Variants in DOCK5 observed in about 807,000 individuals in gnomAD.
The protein encoded by DOCK5 is dedicator of cytokinesis protein 5.
Under a neutral mutation model 251.8 loss-of-function variants are expected in DOCK5, and 142 were observed. The observed-to-expected ratio is 0.56, with a 90% CI of 0.49 to 0.65. DOCK5 has a LOEUF of 0.65. DOCK5 is among the 30% of genes least tolerant of loss of function. DOCK5 has a pLI of 0.00. For synonymous variants in DOCK5, 842 were observed against 835.5 expected, an observed-to-expected ratio of 1.01 and a Z score of -0.13; for missense variants, 2,111 against 2,312.3, an observed-to-expected ratio of 0.91 and a Z score of 1.79.
At chr8:25,239,319 ATGTGTG>A (rs746237389) in intron 1 of DOCK5, among the ~76,000 whole-genome samples, 1 of 131,062 alleles carries the variant, frequency 7.6e-6, no homozygotes, top group Non-Finnish European at 1.6e-5. Context: ...GTGCGTGTAT[ATGTGTG>A]TGTGTGTGTG....
At chr8:25,269,917 T>C (rs752058459) in intron 3 of DOCK5, among the ~76,000 whole-genome samples, 3 of 152,216 alleles carry the variant, frequency 2.0e-5, no homozygotes, top group Non-Finnish European at 4.4e-5. Context: ...CCTGCACAGA[T>C]AGGCTGATGT....
At chr8:25,370,616 C>T (rs552000002) in intron 34 of DOCK5, among the ~76,000 whole-genome samples, 9 of 152,068 alleles carry the variant, frequency 5.9e-5, no homozygotes, top group Admixed American at 6.5e-5. Context: ...GCAGTCCTCC[C>T]GCCTCAGACT....
At chr8:25,271,773 A>T (rs181347591) in intron 3 of DOCK5, among the ~76,000 whole-genome samples, 28 of 152,306 alleles carry the variant, frequency 1.8e-4, no homozygotes, top group African/African-American at 6.5e-4. Flanking sequence ...AGGAAGGAGA[A>T]GCAGAACTGA....
intron 18 of DOCK5, among the ~76,000 whole-genome samples, chr8:25,329,833 G>A (rs902087406): frequency 3.3e-5 from 5 of 152,062 alleles, no homozygotes; most frequent in East Asian, 3.9e-4. Context: ...ACTATACAGC[G>A]AGAAAAAAAA....
intron 27 of DOCK5, among the ~76,000 whole-genome samples, chr8:25,353,513 AT>A (rs1030638209): frequency 6.6e-6 from 1 of 152,224 alleles, no homozygotes; most frequent in Non-Finnish European, 1.5e-5. Context: ...AGAATTCCTC[AT>A]GTAAAATCAA....
At chr8:25,282,458 CATGTAAAGATAA>C (rs60581931) in intron 5 of DOCK5, among the ~76,000 whole-genome samples, 13,450 of 152,092 alleles carry the variant, frequency 0.088, 916 homozygotes, top group East Asian at 0.28. Context: ...TCCTTCAGTC[CATGTAAAGATAA>C]ATACAGATTT....
Position 25,384,465 on chromosome 8 carries a change from T to TA in DOCK5, c.4131+1687_4131+1688insA, listed in dbSNP as rs1554504712. ...TTTATTTATTTATTTATTTATTTAT[T>TA]TTTTTTTTTTTTGAGACAGTGTCTC... is the stretch of plus-strand genomic sequence containing the variant. On this transcript the variant is annotated intron_variant, in intron 40 of 51. Coordinates refer to ENST00000276440, the MANE Select transcript of DOCK5 (RefSeq NM_024940.8). 1.5e-4 allele frequency among the ~76,000 whole-genome samples: 14 copies of TA among 96,456 alleles called. 1 individual carries two copies. The South Asian group carries it at 2.3e-3, about 16-fold the overall frequency. The allele number at this position is 96,456 out of a possible 152,430, so 63.3% of individuals were successfully genotyped here.
intron 38 of DOCK5, among the ~76,000 whole-genome samples, chr8:25,378,701 T>C (rs1364644727): frequency 2.0e-5 from 3 of 152,228 alleles, no homozygotes; most frequent in Non-Finnish European, 4.4e-5. Flanking sequence ...CTTACATGGT[T>C]ATACATGCTC....
chr8:25,184,835 C>CG lies in DOCK5; in HGVS notation c.-70dup. On this transcript the variant is annotated 5_prime_UTR_variant, in exon 1 of 52. The change abolishes the stop of an existing upstream ORF in the 5' untranslated region. Transcript: ENST00000276440. ...GAAGCGTCTGGGGCACGCAGGAGCG[C>CG]GGGGCGGCGGCGGCCGGAGCCCGAG... is the stretch of plus-strand genomic sequence containing the variant. 3.2e-6 allele frequency: 4 copies of CG among 1,237,366 alleles called. No individual in the cohort carries two copies. The highest frequency in any genetic ancestry group is 4.1e-6 in the Non-Finnish European group (4 of 973,608). The allele number at this position is 1,237,366 out of a possible 1,614,324, so 76.6% of individuals were successfully genotyped here. A position where few individuals can be genotyped will look rare whatever the true frequency, so the allele number is the denominator to read the frequency against.
chr8:25,247,754 C>A lies in DOCK5; in HGVS notation c.127+3997C>A, dbSNP rs535450127. Reference sequence around the variant, plus strand: ...AATATAATCACAGATACATTCATTTCAAATACCATGCACTTGAGTCCAAAC... The same window carrying A: ...AATATAATCACAGATACATTCATTTAAAATACCATGCACTTGAGTCCAAAC... On this transcript the variant is annotated intron_variant, in intron 2 of 51. Transcript: ENST00000276440. Among the ~76,000 whole-genome samples the A allele has an allele frequency of 2.0e-5, 3 of 152,288 alleles. No homozygotes were observed. In the South Asian group the frequency reaches 6.2e-4, roughly 32 times the overall value.
intron 1 of DOCK5, among the ~76,000 whole-genome samples, chr8:25,195,657 G>A (rs574397348): frequency 6.6e-6 from 1 of 152,234 alleles, no homozygotes; most frequent in South Asian, 2.1e-4. Context: ...TTAGATGTCC[G>A]GTTCTCTGGT....
intron 14 of DOCK5, 34 bp downstream of exon 14, chr8:25,317,165 C>G: frequency 6.2e-7 from 1 of 1,605,868 alleles, no homozygotes; most frequent in Non-Finnish European, 8.5e-7. Context: ...CTGCTACCAT[C>G]GCATCCGTCT....
Position 25,375,032 on chromosome 8 carries a change from A to G in DOCK5, c.3816+378A>G, listed in dbSNP as rs574902834. On this transcript the variant is annotated intron_variant, in intron 37 of 51. Transcript: ENST00000276440. ...AGTACTCTATTTTTATTCTCTCCCT[A>G]AATAAATGTATGTTGTGGTTTAGAT... The G allele has an allele frequency of 2.3e-5, 24 of 1,050,532 alleles. 1 individual carries two copies. In the African/African-American group the frequency reaches 3.5e-4, roughly 16 times the overall value. The allele number at this position is 1,050,532 out of a possible 1,614,324, so 65.1% of individuals were successfully genotyped here.
intron 11 of DOCK5, among the ~76,000 whole-genome samples, chr8:25,306,647 TCA>T (rs1408585070): frequency 6.6e-6 from 1 of 151,320 alleles, no homozygotes; most frequent in Non-Finnish European, 1.5e-5. Flanking sequence ...TGAGCCAAGA[TCA>T]CGCCACTGCA....
At chr8:25,218,543 A>G (rs1373909802) in intron 1 of DOCK5, among the ~76,000 whole-genome samples, 1 of 152,220 alleles carries the variant, frequency 6.6e-6, no homozygotes, top group Non-Finnish European at 1.5e-5. Flanking sequence ...AGTGGTGGCT[A>G]GGAGATGTTC....
At chr8:25,310,574 C>T (rs781480174) in intron 13 of DOCK5, 42 bp downstream of exon 13, 1 of 1,551,984 alleles carries the variant, frequency 6.4e-7, no homozygotes, top group South Asian at 1.2e-5. Flanking sequence ...TCCTCCTGTT[C>T]AGCGATTATT....
rs138587902 is a variant in DOCK5, at chr8:25,188,789, C to T, written c.43+3838C>T. ...GTGGCTAAGTGTTCTTCCCTGGAGACGTGGAAAATGTGCTTTTTTCTCATC... is the reference window on the plus strand; with the variant it reads ...GTGGCTAAGTGTTCTTCCCTGGAGATGTGGAAAATGTGCTTTTTTCTCATC... On this transcript the variant is annotated intron_variant, in intron 1 of 51. Coordinates refer to ENST00000276440, the MANE Select transcript of DOCK5 (RefSeq NM_024940.8). Among the ~76,000 whole-genome samples the T allele has an allele frequency of 7.9e-5, 12 of 152,110 alleles. No homozygotes were observed. In the East Asian group the frequency reaches 1.5e-3, roughly 20 times the overall value.
chr8:25,290,758 A>G (rs755231979), intron 5 of DOCK5, among the ~76,000 whole-genome samples: 2 of 152,206 alleles, frequency 1.3e-5, no homozygotes, highest in Non-Finnish European at 2.9e-5. Context: ...ATAAAGGCCT[A>G]CCAGCTAAGC....
chr8:25,252,765 A>G (rs2117564701), intron 2 of DOCK5, among the ~76,000 whole-genome samples: 1 of 152,384 alleles, frequency 6.6e-6, no homozygotes, highest in South Asian at 2.1e-4. Flanking sequence ...ATCTTTAAAA[A>G]AAGCGAATGC....
Sources: allele counts gnomAD v4.1 joint callset (sites outside exome capture counted in the v4.1 genomes callset), GRCh38; gene constraint gnomAD v4.1.1; transcripts MANE v1.5; gene names NCBI Gene and HGNC (gene_info 2026-07-23, HGNC 2026-07-21).